Variants in PCDH15 observed in about 807,000 individuals in gnomAD.
PCDH15 encodes protocadherin related 15, also known as protocadherin-15.
Under a neutral mutation model 178.5 loss-of-function variants are expected in PCDH15, and 129 were observed. That is an observed-to-expected ratio of 0.72 (90% CI 0.63 to 0.84). The LOEUF (loss-of-function observed/expected upper bound fraction) is 0.84. Among genes scored for constraint, PCDH15 ranks in the 40% least tolerant of loss-of-function variants. The pLI, the probability that PCDH15 is intolerant of heterozygous loss-of-function variation, is 0.00. For missense variants in PCDH15, 2,230 were observed against 2,099.9 expected (o/e 1.06, Z -1.21); for synonymous variants, 800 against 732.0 (o/e 1.09, Z -1.50).
At chr10:54,989,929 G>C (rs1031350024) in intron 2 of PCDH15, among the ~76,000 whole-genome samples, 1 of 152,174 alleles carries the variant, frequency 6.6e-6, no homozygotes, top group Admixed American at 6.5e-5. Context: ...CTGTTCTCAT[G>C]ATGGAGGATA....
intron 2 of PCDH15, among the ~76,000 whole-genome samples, chr10:55,616,062 A>C (rs1843466728): frequency 1.3e-5 from 2 of 152,340 alleles, no homozygotes; most frequent in African/African-American, 4.8e-5. Context: ...GCTGTATCTA[A>C]GTGGGACAAC....
At chr10:53,985,984 A>G (rs1382058824) in intron 21 of PCDH15, among the ~76,000 whole-genome samples, 2 of 152,248 alleles carry the variant, frequency 1.3e-5, no homozygotes, top group African/African-American at 2.4e-5. Context: ...GCAACCCTAT[A>G]AAGTATTTCT....
At chr10:54,462,989 C>T (rs2077292388) in intron 3 of PCDH15, among the ~76,000 whole-genome samples, 1 of 151,926 alleles carries the variant, frequency 6.6e-6, no homozygotes, top group South Asian at 2.1e-4. Flanking sequence ...AAACAATATC[C>T]TAAGTAGCTT....
intron 8 of PCDH15, among the ~76,000 whole-genome samples, chr10:54,300,631 C>G (rs187734005): frequency 2.0e-5 from 3 of 152,224 alleles, no homozygotes; most frequent in Admixed American, 1.3e-4. Context: ...AGAGGTGAAG[C>G]CAGCTGAGCT....
intron 2 of PCDH15, among the ~76,000 whole-genome samples, chr10:55,029,540 A>C (rs890357055): frequency 7.2e-5 from 11 of 152,128 alleles, no homozygotes; most frequent in African/African-American, 2.7e-4. Context: ...TAAGAAAAAT[A>C]GGAGAGACAG....
At chr10:54,870,718 G>A (rs1954021538) in intron 3 of PCDH15, among the ~76,000 whole-genome samples, 3 of 151,842 alleles carry the variant, frequency 2.0e-5, no homozygotes, top group South Asian at 2.1e-4. Flanking sequence ...CCCGGGAGGC[G>A]GAGCTTGCAG....
At chr10:54,582,235 A>T (rs2133806679) in intron 2 of PCDH15, among the ~76,000 whole-genome samples, 1 of 152,312 alleles carries the variant, frequency 6.6e-6, no homozygotes, top group East Asian at 1.9e-4. Context: ...CAAATTTACA[A>T]GAAAAAAATA....
At chr10:54,833,977 A>G (rs1239776750) in intron 3 of PCDH15, among the ~76,000 whole-genome samples, 3 of 152,112 alleles carry the variant, frequency 2.0e-5, no homozygotes, top group Admixed American at 1.3e-4. Context: ...TGATCAAATT[A>G]TTAGGCTCCT....
intron 15 of PCDH15, among the ~76,000 whole-genome samples, chr10:54,132,429 G>T (rs977752968): frequency 6.6e-6 from 1 of 152,160 alleles, no homozygotes; most frequent in African/African-American, 2.4e-5. Context: ...ATGAAGTGGG[G>T]TTTGTCTCAG....
chr10:54,673,638 G>A (rs1176196643), intron 1 of PCDH15, among the ~76,000 whole-genome samples: 4 of 152,046 alleles, frequency 2.6e-5, no homozygotes, highest in Admixed American at 1.3e-4. Flanking sequence ...GGGTTTCTCC[G>A]TGTTGGTCAG....
chr10:55,076,312 T>A (rs777761007), intron 2 of PCDH15, among the ~76,000 whole-genome samples: 1 of 152,176 alleles, frequency 6.6e-6, no homozygotes, highest in South Asian at 2.1e-4. Context: ...ACGATCTGTC[T>A]ATTACTGTAT....
intron 2 of PCDH15, among the ~76,000 whole-genome samples, chr10:55,140,683 T>C (rs774848958): frequency 3.3e-5 from 5 of 152,012 alleles, no homozygotes; most frequent in Non-Finnish European, 5.9e-5. Flanking sequence ...TTATGGACAA[T>C]TGATATCAAT....
intron 2 of PCDH15, among the ~76,000 whole-genome samples, chr10:55,602,633 C>T (rs1843114631): frequency 6.6e-6 from 1 of 152,122 alleles, no homozygotes; most frequent in Non-Finnish European, 1.5e-5. Context: ...GGCACACTGA[C>T]ACCTCACACA....
intron 3 of PCDH15, among the ~76,000 whole-genome samples, chr10:54,415,418 A>G (rs1954182309): frequency 6.6e-6 from 1 of 152,056 alleles, no homozygotes; most frequent in Non-Finnish European, 1.5e-5. Context: ...AGGTAATAAA[A>G]AGAGAGAAGT....
At chr10:54,975,931 A>C (rs1227595567) in intron 2 of PCDH15, among the ~76,000 whole-genome samples, 1 of 152,116 alleles carries the variant, frequency 6.6e-6, no homozygotes, top group Non-Finnish European at 1.5e-5. Flanking sequence ...TTAGAACGCA[A>C]GTTTTTTTTG....
intron 18 of PCDH15, among the ~76,000 whole-genome samples, chr10:54,049,088 C>T (rs2093713885): frequency 6.6e-6 from 1 of 152,084 alleles, no homozygotes; most frequent in Non-Finnish European, 1.5e-5. Flanking sequence ...CTTCCACTTC[C>T]AAATTTAGAT....
At chr10:55,261,413 G>C (rs779492941) in intron 1 of PCDH15, among the ~76,000 whole-genome samples, 5 of 152,156 alleles carry the variant, frequency 3.3e-5, no homozygotes, top group Non-Finnish European at 7.3e-5. Flanking sequence ...ACTGTTGTTT[G>C]AGTGATGTTA....
intron 3 of PCDH15, among the ~76,000 whole-genome samples, chr10:54,880,089 C>G (rs1414783169): frequency 6.6e-6 from 1 of 152,078 alleles, no homozygotes; most frequent in Non-Finnish European, 1.5e-5. Flanking sequence ...TTTTTACACC[C>G]AGATCCCTTA....
At chr10:55,485,356 A>G (rs1398781873) in intron 2 of PCDH15, among the ~76,000 whole-genome samples, 1 of 151,738 alleles carries the variant, frequency 6.6e-6, no homozygotes, top group Non-Finnish European at 1.5e-5. Flanking sequence ...GTCATCACCA[A>G]GGTCTGATTG....
Sources: gnomAD v4.1 joint callset for allele counts (sites outside exome capture counted in the v4.1 genomes callset) on GRCh38, gnomAD v4.1.1 for gene constraint, MANE v1.5 for transcripts, NCBI Gene and HGNC (gene_info 2026-07-23, HGNC 2026-07-21) for gene names.